KCNH1: variants seen among roughly 807,000 people sequenced by gnomAD.
The protein encoded by KCNH1 is voltage-gated delayed rectifier potassium channel KCNH1.
KCNH1 carries 27 observed loss-of-function variants against 69.2 expected under a neutral mutation model. That is an observed-to-expected ratio of 0.39 (90% CI 0.29 to 0.54). The LOEUF (loss-of-function observed/expected upper bound fraction) is 0.54. KCNH1 is among the 20% of genes least tolerant of loss of function. The pLI is 0.68. For missense variants in KCNH1, 798 were observed against 1,261.6 expected, an observed-to-expected ratio of 0.63 and a Z score of 5.57; for synonymous variants, 456 against 487.7, an observed-to-expected ratio of 0.93 and a Z score of 0.86.
chr1:210,986,518 G>T (rs1013311377), intron 6 of KCNH1, among the ~76,000 whole-genome samples: 3 of 152,060 alleles, frequency 2.0e-5, no homozygotes, highest in African/African-American at 7.2e-5. Context: ...GTCTGTAAAG[G>T]ATTTTATTTC....
At chr1:210,760,566 G>A (rs186212150) in intron 10 of KCNH1, among the ~76,000 whole-genome samples, 66 of 152,302 alleles carry the variant, frequency 4.3e-4, no homozygotes, top group African/African-American at 1.5e-3. Context: ...ACAAACGAAT[G>A]TGTATTTGTC....
chr1:210,914,446 G>A (rs1005763104), intron 7 of KCNH1, among the ~76,000 whole-genome samples: 26 of 151,992 alleles, frequency 1.7e-4, no homozygotes, highest in South Asian at 6.2e-4. Context: ...TGAAGGAGGC[G>A]GGGAAAAGCC....
intron 7 of KCNH1, among the ~76,000 whole-genome samples, chr1:210,820,819 G>A (rs1451127303): frequency 6.6e-6 from 1 of 152,042 alleles, no homozygotes. Flanking sequence ...AATGATGTGA[G>A]GATGGTGACA....
intron 7 of KCNH1, among the ~76,000 whole-genome samples, chr1:210,854,440 C>T (rs932598051): frequency 6.6e-6 from 1 of 152,178 alleles, no homozygotes; most frequent in Non-Finnish European, 1.5e-5. Flanking sequence ...CCTGGAAAAC[C>T]TACAACCAAA....
intron 10 of KCNH1, among the ~76,000 whole-genome samples, chr1:210,762,448 C>T (rs898980490): frequency 3.3e-5 from 5 of 151,838 alleles, no homozygotes; most frequent in East Asian, 1.9e-4. Context: ...GTTGGTTCTT[C>T]GAAAAGGATA....
chr1:211,088,017 C>T (rs547804537), intron 4 of KCNH1, among the ~76,000 whole-genome samples: 1 of 152,262 alleles, frequency 6.6e-6, no homozygotes, highest in East Asian at 1.9e-4. Flanking sequence ...AAACTGGCTT[C>T]TTGCACACTA....
At chr1:210,935,317 G>A (rs115068334) in intron 6 of KCNH1, among the ~76,000 whole-genome samples, 2 of 152,018 alleles carry the variant, frequency 1.3e-5, no homozygotes, top group African/African-American at 4.8e-5. Context: ...AGATAAAAAG[G>A]TTTCTCATAG....
intron 7 of KCNH1, among the ~76,000 whole-genome samples, chr1:210,905,459 G>A (rs1687082009): frequency 6.6e-6 from 1 of 152,102 alleles, no homozygotes. Flanking sequence ...CCCTTAGTCT[G>A]ATCAGGATCC....
At chr1:211,082,501 C>A (rs192806553) in intron 5 of KCNH1, among the ~76,000 whole-genome samples, 2 of 152,242 alleles carry the variant, frequency 1.3e-5, no homozygotes, top group East Asian at 3.9e-4. Context: ...GTACATGAAG[C>A]ACTTCTAGCT....
At chr1:211,087,089 A>G (rs6685217) in intron 4 of KCNH1, among the ~76,000 whole-genome samples, 113,223 of 151,936 alleles carry the variant, frequency 0.75, 42,720 homozygotes, top group Non-Finnish European at 0.8. Flanking sequence ...TGGGGCCTGC[A>G]ACTTGTGTCT....
chr1:210,894,622 G>A lies in KCNH1; in HGVS notation c.1462+25018C>T, dbSNP rs144332780. 3.9e-5 allele frequency among the ~76,000 whole-genome samples: 6 copies of A among 152,236 alleles called. No individual in the cohort carries two copies. The East Asian group carries it at 7.7e-4, about 20-fold the overall frequency. ...CCTCAAAAGTGCATGTGTTGAAAAC[G>A]TAATCCCTCTGCCCTCACGAATGGA... is the stretch of plus-strand genomic sequence containing the variant. On this transcript the variant is annotated intron_variant, in intron 7 of 10. Transcript: ENST00000271751.
intron 7 of KCNH1, among the ~76,000 whole-genome samples, chr1:210,846,136 T>C (rs966853854): frequency 1.3e-5 from 2 of 152,134 alleles, no homozygotes; most frequent in African/African-American, 4.8e-5. Context: ...ATCAATATCA[T>C]GAAAATGGCC....
chr1:210,821,265 G>A (rs1187893978), intron 7 of KCNH1, among the ~76,000 whole-genome samples: 4 of 152,104 alleles, frequency 2.6e-5, no homozygotes, highest in Non-Finnish European at 5.9e-5. Flanking sequence ...GGGGAAGGGA[G>A]ATACATAATG....
chr1:210,886,384 T>C (rs1213182838), intron 7 of KCNH1, among the ~76,000 whole-genome samples: 1 of 151,994 alleles, frequency 6.6e-6, no homozygotes, highest in Non-Finnish European at 1.5e-5. Flanking sequence ...CAAAATCCCA[T>C]TCGAAGGTCA....
At chr1:210,937,606 G>A (rs1687795788) in intron 6 of KCNH1, among the ~76,000 whole-genome samples, 1 of 152,156 alleles carries the variant, frequency 6.6e-6, no homozygotes, top group Admixed American at 6.6e-5. Flanking sequence ...TATCAGCTGT[G>A]TATGTTACAG....
At chr1:210,918,485 T>C (rs918198193) in intron 7 of KCNH1, among the ~76,000 whole-genome samples, 1 of 152,194 alleles carries the variant, frequency 6.6e-6, no homozygotes, top group Non-Finnish European at 1.5e-5. Context: ...TCCATCCCAG[T>C]TAGGTCCCTT....
chr1:210,933,983 T>C (rs1337220286), intron 6 of KCNH1, among the ~76,000 whole-genome samples: 1 of 152,212 alleles, frequency 6.6e-6, no homozygotes, highest in Non-Finnish European at 1.5e-5. Context: ...GATATCCATA[T>C]ACAGAAGGAT....
At chr1:210,758,067 G>C (rs1299907293) in intron 10 of KCNH1, among the ~76,000 whole-genome samples, 38 of 152,308 alleles carry the variant, frequency 2.5e-4, no homozygotes, top group Non-Finnish European at 7.3e-5. Flanking sequence ...GCAAGAGCAT[G>C]GTCTTGAGAC....
chr1:210,732,065 G>C (rs1307588360), intron 10 of KCNH1, among the ~76,000 whole-genome samples: 1 of 152,032 alleles, frequency 6.6e-6, no homozygotes, highest in East Asian at 1.9e-4. Context: ...CATCCGATGG[G>C]AGGGAGCCCA....
Sources: gnomAD v4.1 joint callset for allele counts (sites outside exome capture counted in the v4.1 genomes callset) on GRCh38, gnomAD v4.1.1 for gene constraint, MANE v1.5 for transcripts, NCBI Gene and HGNC (gene_info 2026-07-23, HGNC 2026-07-21) for gene names.